The following PCDH11X variants were observed in gnomAD, a reference collection of about 807,000 sequenced individuals.
PCDH11X encodes the protein protocadherin 11 X-linked, also known as protocadherin-11 X-linked.
In PCDH11X, 18 loss-of-function variants were observed where a neutral mutation model predicts 53.3. That is an observed-to-expected ratio of 0.34 (90% CI 0.23 to 0.50). The LOEUF (loss-of-function observed/expected upper bound fraction) is 0.50, where lower values mean the gene tolerates loss of function less well. Ranked by LOEUF, PCDH11X falls within the 20% of genes least tolerant of loss-of-function variation. The pLI is 0.98. For missense variants in PCDH11X, 570 were observed against 1,032.4 expected, an observed-to-expected ratio of 0.55 and a Z score of 6.14; for synonymous variants, 279 against 393.3, an observed-to-expected ratio of 0.71 and a Z score of 3.44.
intron 6 of PCDH11X, among the ~76,000 whole-genome samples, chrX:92,000,655 G>A (rs1238673469): frequency 9.1e-6 from 1 of 110,373 alleles, no homozygotes; most frequent in African/African-American, 3.3e-5. Context: ...TTCTGCTACC[G>A]ATTTGTAGTC....
intron 6 of PCDH11X, among the ~76,000 whole-genome samples, chrX:91,981,213 G>A (rs1234787189): frequency 2.8e-5 from 3 of 108,236 alleles, no homozygotes; most frequent in Non-Finnish European, 5.7e-5. Flanking sequence ...ACAGTGCTAT[G>A]ACTGACAGGT....
intron 6 of PCDH11X, among the ~76,000 whole-genome samples, chrX:92,112,642 C>G (rs1415199456): frequency 9.2e-6 from 1 of 109,100 alleles, no homozygotes; most frequent in African/African-American, 3.5e-5. Flanking sequence ...TCTTTTATTC[C>G]ACCATGATAA....
chrX:92,025,769 G>C (rs2062961209), intron 6 of PCDH11X, among the ~76,000 whole-genome samples: 1 of 109,097 alleles, frequency 9.2e-6, no homozygotes, highest in South Asian at 4.1e-4. Context: ...GTTTATTGCA[G>C]CACTGTTTAC....
Position 91,808,562 on chromosome X carries a change from A to C in PCDH11X, c.-378-904A>C, listed in dbSNP as rs1198335478. Among the ~76,000 whole-genome samples the C allele has an allele frequency of 6.3e-5, 7 of 110,747 alleles. No individual in the cohort carries two copies. The Admixed American group carries it at 6.7e-4, about 11-fold the overall frequency. On this transcript the variant is annotated intron_variant, in intron 1 of 10. Coordinates refer to ENST00000682573, the MANE Select transcript of PCDH11X (RefSeq NM_032968.5). ...TTGATAAATCTATCACTAAGGTTCT[A>C]TATTTATGGCATTTGATTAGCTATC...
intron 8 of PCDH11X, among the ~76,000 whole-genome samples, chrX:92,353,397 A>G (rs940304450): frequency 9.0e-6 from 1 of 111,708 alleles, no homozygotes; most frequent in African/African-American, 3.3e-5. Context: ...GTCCTAAAAT[A>G]CAATAATCCC....
chrX:92,170,303 T>C (rs1345748249), intron 6 of PCDH11X, among the ~76,000 whole-genome samples: 1 of 110,584 alleles, frequency 9.0e-6, no homozygotes, highest in Non-Finnish European at 1.9e-5. Flanking sequence ...GATTCATCTA[T>C]GCTTGTCTGG....
chrX:91,898,684 T>C (rs1229551967), intron 6 of PCDH11X, among the ~76,000 whole-genome samples: 1 of 96,264 alleles, frequency 1.0e-5, no homozygotes, highest in Non-Finnish European at 2.1e-5. Context: ...TTTAATCTCC[T>C]GACTTTCAGT....
In PCDH11X at chrX:91,877,781, G is replaced by A; in HGVS notation, c.1541G>A (p.Ser514Asn). The part of the protein sequence containing the change: ...LLGPDAPPEF[S>N]LDCRTGMLTV... ...GGCCCTGATGCTCCACCTGAATTCA[G>A]CCTGGATTGTCGTACAGGCATGCTG... is the stretch of plus-strand genomic sequence containing the variant. Residue 514 changes from serine to asparagine, a missense_variant, in exon 6 of 11, where the codon AGC (serine) becomes AAC (asparagine). Transcript: ENST00000682573. 2 of 1,211,628 alleles carry A rather than the reference G, an allele frequency of 1.7e-6. No individual in the cohort carries two copies. Among genetic ancestry groups the A allele is most frequent in the East Asian group, 3.0e-5 (1 of 33,832 alleles).
At chrX:92,365,987 G>C (rs969884886) in intron 8 of PCDH11X, among the ~76,000 whole-genome samples, 1 of 111,424 alleles carries the variant, frequency 9.0e-6, no homozygotes. Flanking sequence ...ACAGGATGAT[G>C]CTGGTCTCAT....
At chrX:91,969,856 A>C (rs1283928247) in intron 6 of PCDH11X, among the ~76,000 whole-genome samples, 1 of 109,888 alleles carries the variant, frequency 9.1e-6, no homozygotes, top group Non-Finnish European at 1.9e-5. Context: ...CGTGTTTGGC[A>C]GCATGGCTTG....
chrX:92,215,165 G>A lies in PCDH11X; in HGVS notation c.3114+13710G>A, dbSNP rs995125596. On this transcript the variant is annotated intron_variant, in intron 7 of 10. Coordinates refer to ENST00000682573, the MANE Select transcript of PCDH11X (RefSeq NM_032968.5). ...TTTCTGCATTTCCATCTGAGGTACC[G>A]GGTTCATCTCACTAGGGAGTGCCAG... 3.4e-4 allele frequency among the ~76,000 whole-genome samples: 38 copies of A among 110,918 alleles called. 1 individual carries two copies. Among genetic ancestry groups the A allele is most frequent in the South Asian group, 1.2e-3 (3 of 2,574 alleles).
At position 91,972,734 on chromosome X, in the gene PCDH11X, G is replaced by A. The variant is rs1270688974; in HGVS notation, c.3033+93461G>A. Among the ~76,000 whole-genome samples the A allele has an allele frequency of 1.9e-4, 21 of 108,669 alleles. No homozygotes were observed. The Admixed American group carries it at 2.0e-3, about 10-fold the overall frequency. The allele number at this position is 108,669 out of a possible 115,157, so 94.4% of individuals were successfully genotyped here. On this transcript the variant is annotated intron_variant, in intron 6 of 10. Coordinates refer to ENST00000682573, the MANE Select transcript of PCDH11X (RefSeq NM_032968.5). Reference sequence around the variant, plus strand: ...CTTTCCCCATTGCTTGTTTTTCTCAGGTTTGTCAAAGATCAGATGGTTGTA... The same window carrying A: ...CTTTCCCCATTGCTTGTTTTTCTCAAGTTTGTCAAAGATCAGATGGTTGTA...
At chrX:91,799,536 C>T (rs1187380193) in intron 1 of PCDH11X, among the ~76,000 whole-genome samples, 1 of 111,807 alleles carries the variant, frequency 8.9e-6, no homozygotes. Flanking sequence ...CTATGAATTT[C>T]TGCAAAACTA....
At chrX:92,363,402 T>C (rs2070391225) in intron 8 of PCDH11X, among the ~76,000 whole-genome samples, 1 of 111,374 alleles carries the variant, frequency 9.0e-6, no homozygotes, top group Non-Finnish European at 1.9e-5. Flanking sequence ...TATTCTTGTT[T>C]TGATACTATT....
chrX:92,142,386 A>G (rs1444997134), intron 6 of PCDH11X, among the ~76,000 whole-genome samples: 3 of 107,063 alleles, frequency 2.8e-5, no homozygotes, highest in Admixed American at 1.0e-4. Flanking sequence ...ACACACACAC[A>G]CACACACACA....
chrX:91,821,382 C>T (rs1159385582), intron 4 of PCDH11X, among the ~76,000 whole-genome samples: 1 of 109,028 alleles, frequency 9.2e-6, no homozygotes, highest in Admixed American at 9.8e-5. Context: ...TTGAAGAGGT[C>T]CTTCACATCC....
chrX:92,336,763 C>T (rs936642767), intron 8 of PCDH11X, among the ~76,000 whole-genome samples: 2 of 111,592 alleles, frequency 1.8e-5, no homozygotes, highest in Admixed American at 9.6e-5. Flanking sequence ...GTAGCTGCAT[C>T]TCTTTCAGTA....
intron 10 of PCDH11X, among the ~76,000 whole-genome samples, chrX:92,503,124 A>G (rs2073989979): frequency 9.0e-6 from 1 of 110,933 alleles, no homozygotes; most frequent in Non-Finnish European, 1.9e-5. Flanking sequence ...CATATGAAAA[A>G]AAGTTCAACA....
At chrX:92,323,276 C>G (rs980419696) in intron 8 of PCDH11X, among the ~76,000 whole-genome samples, 1 of 110,471 alleles carries the variant, frequency 9.1e-6, no homozygotes, top group African/African-American at 3.3e-5. Flanking sequence ...ATCTGAAACA[C>G]TGTCAGACTG....
Sources: allele counts gnomAD v4.1 joint callset (sites outside exome capture counted in the v4.1 genomes callset), GRCh38; gene constraint gnomAD v4.1.1; transcripts MANE v1.5; gene names NCBI Gene and HGNC (gene_info 2026-07-23, HGNC 2026-07-21).